Variants in ZNF618 observed in about 807,000 individuals in gnomAD.
ZNF618 encodes zinc finger protein 618.
In ZNF618, 34 loss-of-function variants were observed where a neutral mutation model predicts 103.0. The ratio of observed to expected loss-of-function variants is 0.33; its 90% CI spans 0.25 to 0.44. The LOEUF (loss-of-function observed/expected upper bound fraction) is 0.44. ZNF618 is among the 20% of genes least tolerant of loss of function. ZNF618 has a pLI of 1.00. For missense variants in ZNF618, 1,059 were observed against 1,295.4 expected, an observed-to-expected ratio of 0.82 and a Z score of 2.80; for synonymous variants, 551 against 542.2, an observed-to-expected ratio of 1.02 and a Z score of -0.23.
intron 1 of ZNF618, among the ~76,000 whole-genome samples, chr9:113,940,924 GT>G (rs913202077): frequency 6.6e-6 from 1 of 152,018 alleles, no homozygotes; most frequent in African/African-American, 2.4e-5. Context: ...GTGATTTCTC[GT>G]TTAAGTGTCA....
intron 1 of ZNF618, among the ~76,000 whole-genome samples, chr9:113,909,057 A>G (rs75583107): frequency 0.058 from 8,881 of 151,976 alleles, 438 homozygotes; most frequent in African/African-American, 0.13. Context: ...GAGCTGGGAT[A>G]GGAGCCAGGA....
intron 10 of ZNF618, among the ~76,000 whole-genome samples, chr9:114,025,652 C>T (rs1277918095): frequency 6.6e-6 from 1 of 152,158 alleles, no homozygotes; most frequent in South Asian, 2.1e-4. Flanking sequence ...GACATTGATC[C>T]TGGCCCAGCC....
rs563433201 is a variant in ZNF618, at chr9:113,916,066, G to A, written c.33+39653G>A. Among the ~76,000 whole-genome samples the A allele has an allele frequency of 7.8e-4, 80 of 102,078 alleles. 2 individuals carry two copies. In the South Asian group the frequency reaches 0.018, roughly 23 times the overall value. 67.0% of individuals were successfully genotyped at this position (102,078 alleles called of 152,430 possible). On this transcript the variant is annotated intron_variant, in intron 1 of 14. Coordinates refer to ENST00000374126, the MANE Select transcript of ZNF618 (RefSeq NM_001318042.2). ...AGGTGGGCCATTCTGAGACATGCGC[G>A]TGTGTCTGTGTGTGTGTGTGTGTGT...
chr9:114,035,316 C>G, intron 12 of ZNF618: 1 of 923,718 alleles, frequency 1.1e-6, no homozygotes, highest in Non-Finnish European at 1.3e-6. Flanking sequence ...GCTCCTGGAG[C>G]CTCCAGGCTG....
At chr9:114,044,197 G>C (rs1845460505) in intron 13 of ZNF618, among the ~76,000 whole-genome samples, 1 of 152,068 alleles carries the variant, frequency 6.6e-6, no homozygotes, top group African/African-American at 2.4e-5. Context: ...TTAAGTCTTT[G>C]ATCCATCTTG....
At chr9:113,968,895 G>C (rs1837680140) in intron 1 of ZNF618, among the ~76,000 whole-genome samples, 1 of 152,118 alleles carries the variant, frequency 6.6e-6, no homozygotes, top group African/African-American at 2.4e-5. Context: ...GTGCTCAGTG[G>C]GATTTAAAGG....
chr9:113,984,748 CT>C (rs1839302523), intron 2 of ZNF618, among the ~76,000 whole-genome samples: 1 of 152,210 alleles, frequency 6.6e-6, no homozygotes, highest in South Asian at 2.1e-4. Flanking sequence ...CCTCAGGGCC[CT>C]GACCATTAGC....
chr9:114,034,406 A>G (rs904331503), intron 12 of ZNF618, among the ~76,000 whole-genome samples: 2 of 152,122 alleles, frequency 1.3e-5, no homozygotes, highest in Non-Finnish European at 2.9e-5. Context: ...GCTAATATTC[A>G]CAATCGGGAA....
At chr9:114,042,111 C>T (rs527538701) in intron 13 of ZNF618, among the ~76,000 whole-genome samples, 1 of 152,210 alleles carries the variant, frequency 6.6e-6, no homozygotes, top group East Asian at 1.9e-4. Flanking sequence ...TGTGTTTCCC[C>T]TTTGTGAATG....
At chr9:113,928,956 G>C (rs752163406) in intron 1 of ZNF618, among the ~76,000 whole-genome samples, 7 of 152,202 alleles carry the variant, frequency 4.6e-5, no homozygotes, top group Non-Finnish European at 8.8e-5. Context: ...CCTTAGGTCA[G>C]ATAAGTCTGT....
chr9:113,918,359 G>A (rs982912629), intron 1 of ZNF618, among the ~76,000 whole-genome samples: 4 of 152,168 alleles, frequency 2.6e-5, no homozygotes, highest in African/African-American at 9.7e-5. Context: ...GCATTAATAA[G>A]TGTTTTGTGT....
Position 114,002,604 on chromosome 9 carries a change from C to T in ZNF618, c.512-20C>T. On this transcript the variant is annotated intron_variant, in intron 5 of 14. Transcript: ENST00000374126. ...TGGCCCGGTAGCCCCACCCCCATCC[C>T]TCTCTCTCTCTCTTTGCAGACACCG... is the stretch of plus-strand genomic sequence containing the variant. 1 of 1,253,376 alleles carries T rather than the reference C, an allele frequency of 8.0e-7. No individual in the cohort carries two copies. The highest frequency in any genetic ancestry group is 1.1e-6 in the Non-Finnish European group (1 of 923,582). 77.6% of individuals were successfully genotyped at this position (1,253,376 alleles called of 1,614,324 possible). A position where few individuals can be genotyped will look rare whatever the true frequency, so the allele number is the denominator to read the frequency against.
In ZNF618 at chr9:113,992,021, G is replaced by A. The variant is rs371512962; in HGVS notation, c.337+3441G>A. Among the ~76,000 whole-genome samples the A allele has an allele frequency of 9.9e-5, 15 of 152,282 alleles. No homozygotes were observed. The East Asian group carries it at 2.5e-3, about 25-fold the overall frequency. The stretch of plus-strand genomic sequence containing the variant: ...GTCAGGCTCAGAGGAAGCTGGCTTG[G>A]CCTCATCACCAGGAAAGAAAGGCAT... On this transcript the variant is annotated intron_variant, in intron 3 of 14. Transcript: ENST00000374126.
chr9:113,922,179 C>T (rs1300447907), intron 1 of ZNF618, among the ~76,000 whole-genome samples: 1 of 152,188 alleles, frequency 6.6e-6, no homozygotes, highest in Non-Finnish European at 1.5e-5. Context: ...AAAAAATAAA[C>T]ACAATTTCTC....
At chr9:113,933,097 C>G (rs1306995054) in intron 1 of ZNF618, among the ~76,000 whole-genome samples, 1 of 152,140 alleles carries the variant, frequency 6.6e-6, no homozygotes, top group East Asian at 1.9e-4. Context: ...AAGATGAGAT[C>G]TGAGGAATGT....
chr9:113,887,189 ACCTGG>A (rs1829157189), intron 1 of ZNF618, among the ~76,000 whole-genome samples: 1 of 152,054 alleles, frequency 6.6e-6, no homozygotes, highest in African/African-American at 2.4e-5. Context: ...AGGACTCAGA[ACCTGG>A]CATGGGATGG....
chr9:113,990,070 T>A (rs779104057), intron 3 of ZNF618, among the ~76,000 whole-genome samples: 1 of 152,224 alleles, frequency 6.6e-6, no homozygotes, highest in Non-Finnish European at 1.5e-5. Context: ...CAGTGTAGTC[T>A]GCTCTTCCTG....
At chr9:114,022,583 G>T (rs1231719252) in intron 10 of ZNF618, among the ~76,000 whole-genome samples, 1 of 107,038 alleles carries the variant, frequency 9.3e-6, no homozygotes. Flanking sequence ...TTCTGCTGCG[G>T]TTTCATGTCC....
intron 1 of ZNF618, among the ~76,000 whole-genome samples, chr9:113,941,687 G>A (rs1181558368): frequency 6.6e-6 from 1 of 152,160 alleles, no homozygotes; most frequent in Non-Finnish European, 1.5e-5. Context: ...TACTTCTCTA[G>A]GGGATTTTTT....
Sources: allele counts gnomAD v4.1 joint callset (sites outside exome capture counted in the v4.1 genomes callset), GRCh38; gene constraint gnomAD v4.1.1; transcripts MANE v1.5; gene names NCBI Gene and HGNC (gene_info 2026-07-23, HGNC 2026-07-21).